YEATS2: variants seen among roughly 807,000 people sequenced by gnomAD.
The protein encoded by YEATS2 is YEATS domain containing 2, also known as YEATS domain-containing protein 2.
In YEATS2, 77 loss-of-function variants were observed where a neutral mutation model predicts 163.2. The observed-to-expected ratio is 0.47, with a 90% CI of 0.39 to 0.57. The LOEUF (loss-of-function observed/expected upper bound fraction) is 0.57, where lower values mean the gene tolerates loss of function less well. YEATS2 is among the 20% of genes least tolerant of loss of function. The pLI is 0.00. For missense variants in YEATS2, 1,549 were observed against 1,729.8 expected (o/e 0.90, Z 1.85); for synonymous variants, 631 against 645.1 (o/e 0.98, Z 0.33).
chr3:183,803,183 T>C, intron 25 of YEATS2, 73 bp from the exon 26 acceptor site: 2 of 1,515,352 alleles, frequency 1.3e-6, no homozygotes, highest in East Asian at 4.6e-5. Context: ...GTGACTGGCT[T>C]GCCTCCAGCA....
At position 183,702,424 on chromosome 3, in the gene YEATS2, G is replaced by A. The variant is rs142280108; in HGVS notation, c.-20+4431G>A. Among the ~76,000 whole-genome samples the A allele has an allele frequency of 8.6e-3, 1,310 of 152,124 alleles. 20 individuals carry two copies. The highest frequency in any genetic ancestry group is 0.03 in the African/African-American group (1,257 of 41,492). On this transcript the variant is annotated intron_variant, in intron 1 of 30. Transcript: ENST00000305135. ...CGTGCCATTGCACTCCAGCCTGGGCGACATAGTGAGACACTGTCTCAAAAA... is the reference window on the plus strand; with the variant it reads ...CGTGCCATTGCACTCCAGCCTGGGCAACATAGTGAGACACTGTCTCAAAAA...
chr3:183,740,429 C>A (rs1718825436), intron 8 of YEATS2, among the ~76,000 whole-genome samples: 1 of 152,158 alleles, frequency 6.6e-6, no homozygotes, highest in Non-Finnish European at 1.5e-5. Flanking sequence ...AGGAAAAGTT[C>A]TTAAAGGAAA....
chr3:183,797,544 C>CAATAAATAAATAAATAAATA (rs111590921), intron 21 of YEATS2, among the ~76,000 whole-genome samples: 86 of 143,034 alleles, frequency 6.0e-4, no homozygotes, highest in Middle Eastern at 3.4e-3. Flanking sequence ...GTCTCTAACA[C>CAATAAATAAATAAATAAATA]AATAAATAAA....
intron 13 of YEATS2, among the ~76,000 whole-genome samples, chr3:183,760,434 G>A (rs920007127): frequency 1.3e-5 from 2 of 150,490 alleles, no homozygotes; most frequent in Non-Finnish European, 2.9e-5. Flanking sequence ...GCGATTCTGC[G>A]GTCTCAGTCT....
intron 11 of YEATS2, among the ~76,000 whole-genome samples, chr3:183,755,565 TGTCA>T (rs1720638802): frequency 6.6e-6 from 1 of 152,164 alleles, no homozygotes; most frequent in South Asian, 2.1e-4. Flanking sequence ...GATGTTTAAC[TGTCA>T]GTAACTTTTG....
chr3:183,778,019 G>A (rs576899756), intron 19 of YEATS2, among the ~76,000 whole-genome samples: 4 of 151,614 alleles, frequency 2.6e-5, no homozygotes, highest in South Asian at 4.2e-4. Context: ...GGCTAAGGCA[G>A]GAGAATCGCT....
intron 7 of YEATS2, among the ~76,000 whole-genome samples, chr3:183,734,799 G>A (rs1718169443): frequency 6.6e-6 from 1 of 152,126 alleles, no homozygotes; most frequent in African/African-American, 2.4e-5. Context: ...TCCATTCTGT[G>A]TTTCTAATAA....
intron 1 of YEATS2, among the ~76,000 whole-genome samples, chr3:183,698,329 C>G (rs1158862682): frequency 6.6e-6 from 1 of 152,294 alleles, no homozygotes; most frequent in East Asian, 1.9e-4. Context: ...AGATTTGGCC[C>G]CAGCACCAGA....
At chr3:183,751,941 G>T in intron 9 of YEATS2, 132 bp from the exon 10 acceptor site, 1 of 952,074 alleles carries the variant, frequency 1.1e-6, no homozygotes, top group South Asian at 1.6e-5. Context: ...TAGTTCTTCA[G>T]ATTGAAATTG....
intron 18 of YEATS2, among the ~76,000 whole-genome samples, chr3:183,776,427 C>G (rs900788419): frequency 1.3e-5 from 2 of 151,906 alleles, no homozygotes; most frequent in Non-Finnish European, 2.9e-5. Context: ...GTCTACAGTC[C>G]CAGCTACTCC....
chr3:183,710,973 G>A (rs1013946362), intron 1 of YEATS2, among the ~76,000 whole-genome samples: 2 of 152,080 alleles, frequency 1.3e-5, no homozygotes, highest in Admixed American at 6.6e-5. Flanking sequence ...GTATCTGCTG[G>A]GCTATATCCA....
At position 183,721,909 on chromosome 3, in the gene YEATS2, A is replaced by C. The variant is rs1716531336; in HGVS notation, c.310A>C (p.Thr104Pro). 6.2e-7 allele frequency: 1 copy of C among 1,614,056 alleles called. No homozygotes were observed. Residue 104 changes from threonine to proline, a missense_variant, in exon 5 of 31, where the codon ACA becomes CCA. By Grantham distance (38) the Thr-to-Pro change is conservative. Transcript: ENST00000305135. ...TTTGTAGGGATCAAAGACATGTGAT[A>C]CAATGGTTTTTAATCATCCTGCTAT... The part of the protein sequence containing the change: ...KVSEGSKTCD[T>P]MVFNHPAIKK...
At chr3:183,726,708 TATC>T (rs1717137946) in intron 6 of YEATS2, among the ~76,000 whole-genome samples, 1 of 152,230 alleles carries the variant, frequency 6.6e-6, no homozygotes, top group Non-Finnish European at 1.5e-5. Flanking sequence ...TTGTGATTTT[TATC>T]ATATTATGTG....
At chr3:183,750,342 T>G (rs781579831) in intron 9 of YEATS2, among the ~76,000 whole-genome samples, 1 of 152,252 alleles carries the variant, frequency 6.6e-6, no homozygotes, top group Non-Finnish European at 1.5e-5. Context: ...GATGGACACT[T>G]GCGTTGCTTC....
chr3:183,710,560 G>A (rs1404919680), intron 1 of YEATS2, among the ~76,000 whole-genome samples: 1 of 152,088 alleles, frequency 6.6e-6, no homozygotes, highest in Non-Finnish European at 1.5e-5. Flanking sequence ...TATTCTAAAG[G>A]CTGCATAAAA....
At chr3:183,785,977 GGT>G in intron 19 of YEATS2, 146 bp from the exon 20 acceptor site, 1 of 763,152 alleles carries the variant, frequency 1.3e-6, no homozygotes, top group Non-Finnish European at 2.0e-6. Context: ...TTGTTAGAAA[GGT>G]GTGTAAACAC....
intron 20 of YEATS2, among the ~76,000 whole-genome samples, chr3:183,787,960 G>A (rs112608748): frequency 0.053 from 8,019 of 152,018 alleles, 563 homozygotes; most frequent in African/African-American, 0.15. Flanking sequence ...CCGAGATTGC[G>A]CCACTCCACT....
At chr3:183,763,429 C>T (rs1278085224) in intron 15 of YEATS2, among the ~76,000 whole-genome samples, 4 of 152,178 alleles carry the variant, frequency 2.6e-5, no homozygotes, top group Non-Finnish European at 4.4e-5. Context: ...CTGTCATTGA[C>T]TAAAACATCG....
intron 15 of YEATS2, among the ~76,000 whole-genome samples, chr3:183,770,062 A>T (rs1419459897): frequency 6.6e-6 from 1 of 152,042 alleles, no homozygotes; most frequent in Non-Finnish European, 1.5e-5. Context: ...CAGTCTTTGA[A>T]CAGAAACCGT....
Sources: gnomAD v4.1 joint callset for allele counts (sites outside exome capture counted in the v4.1 genomes callset) on GRCh38, gnomAD v4.1.1 for gene constraint, MANE v1.5 for transcripts, NCBI Gene and HGNC (gene_info 2026-07-23, HGNC 2026-07-21) for gene names.